The following RIPOR3 variants were observed in gnomAD, a reference collection of about 807,000 sequenced individuals.
The protein encoded by RIPOR3 is RIPOR family member 3.
In RIPOR3, 95 loss-of-function variants were observed where a neutral mutation model predicts 114.3. The observed-to-expected ratio is 0.83, with a 90% confidence interval of 0.70 to 0.99. The LOEUF is 0.99. RIPOR3 is among the 50% of genes least tolerant of loss of function. The probability of loss-of-function intolerance (pLI) is 0.00; values close to 1 mark genes in which losing one functional copy is unlikely to be tolerated. For synonymous variants in RIPOR3, 575 were observed against 543.8 expected (o/e 1.06, Z -0.80); for missense variants, 1,252 against 1,266.9 (o/e 0.99, Z 0.18).
At chr20:50,663,461 G>A (rs2086073980) in intron 1 of RIPOR3, among the ~76,000 whole-genome samples, 2 of 152,192 alleles carry the variant, frequency 1.3e-5, no homozygotes, top group African/African-American at 4.8e-5. Flanking sequence ...TGCAGCGTCT[G>A]ATCATAGGGA....
chr20:50,637,088 G>A (rs1600649251), intron 1 of RIPOR3, among the ~76,000 whole-genome samples: 2 of 152,316 alleles, frequency 1.3e-5, no homozygotes, highest in Middle Eastern at 6.8e-3. Context: ...AGGCGCCCGA[G>A]GAGGCTTCTC....
chr20:50,625,231 C>T (rs546694147), intron 2 of RIPOR3, among the ~76,000 whole-genome samples: 16 of 152,298 alleles, frequency 1.1e-4, no homozygotes, highest in East Asian at 3.9e-4. Flanking sequence ...CAATTACACT[C>T]GGCTAATTTT....
chr20:50,620,223 G>A, intron 2 of RIPOR3, 91 bp from the exon 3 acceptor site: 1 of 1,505,250 alleles, frequency 6.6e-7, no homozygotes, highest in Non-Finnish European at 9.0e-7. Flanking sequence ...AGTGACCAGA[G>A]CCACAGGGAG....
intron 19 of RIPOR3, among the ~76,000 whole-genome samples, chr20:50,591,030 C>T (rs976362980): frequency 2.0e-5 from 3 of 152,208 alleles, no homozygotes; most frequent in Admixed American, 6.5e-5. Flanking sequence ...ATTAAACTAC[C>T]GTTAAACTTC....
At chr20:50,626,059 T>TGGC (rs2084607389) in intron 2 of RIPOR3, among the ~76,000 whole-genome samples, 1 of 152,162 alleles carries the variant, frequency 6.6e-6, no homozygotes, top group Admixed American at 6.5e-5. Context: ...TCCTGCCAGG[T>TGGC]TGTTTGCCTT....
intron 1 of RIPOR3, among the ~76,000 whole-genome samples, chr20:50,637,410 G>C (rs751653077): frequency 2.6e-5 from 4 of 152,088 alleles, no homozygotes; most frequent in Non-Finnish European, 5.9e-5. Flanking sequence ...CACCTCCTCA[G>C]AGAGGTCCTC....
intron 11 of RIPOR3, among the ~76,000 whole-genome samples, chr20:50,608,142 C>T (rs1467106515): frequency 6.6e-6 from 1 of 152,196 alleles, no homozygotes; most frequent in African/African-American, 2.4e-5. Context: ...CCCAACCTTC[C>T]CTGTGGCTTT....
rs890020173 is a variant in RIPOR3, at chr20:50,691,345, G to T, written c.-217C>A. On this transcript the variant is annotated 5_prime_UTR_variant, in exon 1 of 22. Transcript: ENST00000327979. ...CTGCTGCGCCCCGAGTCTTCCTTCT[G>T]GTGCAGGGAGGCCGGTGCCCTGCCG... is the stretch of plus-strand genomic sequence containing the variant. 9.3e-6 allele frequency: 4 copies of T among 431,132 alleles called. No individual in the cohort carries two copies. The highest frequency in any genetic ancestry group is 1.2e-5 in the Non-Finnish European group (3 of 245,102). The allele number at this position is 431,132 out of a possible 1,614,324, so 26.7% of individuals were successfully genotyped here. A position where few individuals can be genotyped will look rare whatever the true frequency, so the allele number is the denominator to read the frequency against.
At position 50,594,701 on chromosome 20, in the gene RIPOR3, G is replaced by C. The variant is rs1335376423; in HGVS notation, c.2064C>G (p.Ala688=). The change falls in exon 17 of 22, where the codon GCC becomes GCG. Residue 688 remains alanine (A), a synonymous_variant. Transcript: ENST00000327979. The part of the protein sequence containing the change: ...ATSIEEIIPQ[A]SRTKGCLKLW... Reference sequence around the variant, plus strand: ...GCTTCAGGCACCCCTTCGTCCGCGAGGCCTGTGGGATGACTGAAAGCCCCA... The same window carrying C: ...GCTTCAGGCACCCCTTCGTCCGCGACGCCTGTGGGATGACTGAAAGCCCCA... 5 of 1,611,374 alleles carry C rather than the reference G, an allele frequency of 3.1e-6. No homozygotes were observed. Among genetic ancestry groups the C allele is most frequent in the Non-Finnish European group, 4.2e-6 (5 of 1,178,062 alleles).
Position 50,602,688 on chromosome 20 carries a change from A to C in RIPOR3, c.1087-44T>G, listed in dbSNP as rs2083550404. The C allele has an allele frequency of 7.2e-7, 1 of 1,395,040 alleles. No homozygotes were observed. The highest frequency in any genetic ancestry group is 1.4e-5 in the African/African-American group (1 of 68,970). The allele number at this position is 1,395,040 out of a possible 1,614,324, so 86.4% of individuals were successfully genotyped here. On this transcript the variant is annotated intron_variant, in intron 12 of 21. Coordinates refer to ENST00000327979, the MANE Select transcript of RIPOR3 (RefSeq NM_001290268.2). This position sits in a 1 kb window ranked among gnomAD's most constrained non-coding sequence, Gnocchi z 4.3. Reference sequence around the variant, plus strand: ...AGCGGCCTCACCAGCCACCCCAGGGACCACAGCAAGTCCCCCAGAGGGGCT... The same window carrying C: ...AGCGGCCTCACCAGCCACCCCAGGGCCCACAGCAAGTCCCCCAGAGGGGCT...
chr20:50,691,227 G>A lies in RIPOR3; in HGVS notation c.-99C>T. The A allele has an allele frequency of 4.7e-6, 6 of 1,281,788 alleles. No homozygotes were observed. The highest frequency in any genetic ancestry group is 6.1e-6 in the Non-Finnish European group (6 of 982,242). The allele number at this position is 1,281,788 out of a possible 1,614,324, so 79.4% of individuals were successfully genotyped here. The stretch of plus-strand genomic sequence containing the variant: ...GCAAGCGTCTGCTCCCATCTGGCCC[G>A]GGACTCCCGGACTCGAGCTAGGGCT... On this transcript the variant is annotated 5_prime_UTR_variant, in exon 1 of 22. Transcript: ENST00000327979.
intron 1 of RIPOR3, among the ~76,000 whole-genome samples, chr20:50,678,076 C>T (rs1159992071): frequency 1.3e-5 from 2 of 152,134 alleles, no homozygotes; most frequent in East Asian, 1.9e-4. Context: ...TCCTGACTCC[C>T]CATCTCATTT....
chr20:50,604,398 T>C (rs951953117), intron 12 of RIPOR3, among the ~76,000 whole-genome samples: 2 of 152,064 alleles, frequency 1.3e-5, no homozygotes, highest in Non-Finnish European at 2.9e-5. Flanking sequence ...ATGACTGGGG[T>C]GCTAGAACCA....
At chr20:50,616,894 A>G (rs1352233752) in intron 3 of RIPOR3, among the ~76,000 whole-genome samples, 12 of 152,114 alleles carry the variant, frequency 7.9e-5, no homozygotes, top group South Asian at 6.2e-4. Flanking sequence ...TGTAATCCTA[A>G]CACTTTGGGA....
chr20:50,683,160 A>C (rs558982005), intron 1 of RIPOR3, among the ~76,000 whole-genome samples: 1 of 152,350 alleles, frequency 6.6e-6, no homozygotes, highest in Admixed American at 6.5e-5. Flanking sequence ...CTAAAGTGAT[A>C]AATTCTATCC....
intron 21 of RIPOR3, 52 bp downstream of exon 21, chr20:50,587,750 T>G: frequency 6.3e-7 from 1 of 1,579,218 alleles, no homozygotes; most frequent in Non-Finnish European, 8.7e-7. Flanking sequence ...TCTCGCAGAT[T>G]CTAAGGGCCC....
intron 17 of RIPOR3, among the ~76,000 whole-genome samples, chr20:50,594,023 C>T (rs1200677812): frequency 6.6e-6 from 1 of 152,102 alleles, no homozygotes; most frequent in African/African-American, 2.4e-5. Flanking sequence ...GTAATCCCAG[C>T]ACTTTGGGAG....
intron 1 of RIPOR3, among the ~76,000 whole-genome samples, chr20:50,634,112 G>A (rs976067222): frequency 6.6e-6 from 1 of 151,594 alleles, no homozygotes; most frequent in African/African-American, 2.4e-5. Flanking sequence ...CTTTCACGTG[G>A]CTGGGACTAC....
At chr20:50,593,674 T>TC (rs949287602) in intron 17 of RIPOR3, among the ~76,000 whole-genome samples, 9 of 151,854 alleles carry the variant, frequency 5.9e-5, no homozygotes, top group Non-Finnish European at 2.9e-5. Context: ...GGACTGTGAC[T>TC]CCAACTCACC....
Sources: gnomAD v4.1 joint callset for allele counts (sites outside exome capture counted in the v4.1 genomes callset) on GRCh38, gnomAD v4.1.1 for gene constraint, Gnocchi (gnomAD v3.1) non-coding constraint, MANE v1.5 for transcripts, NCBI Gene and HGNC (gene_info 2026-07-23, HGNC 2026-07-21) for gene names.